Variants in RNF17 observed in about 807,000 individuals in gnomAD.
RNF17 encodes ring finger protein 17.
In RNF17, 31 loss-of-function variants were observed where a neutral mutation model predicts 200.5. The observed-to-expected ratio is 0.15, with a 90% CI of 0.12 to 0.21. RNF17 has a LOEUF of 0.21. Among genes scored for constraint, RNF17 ranks in the 10% least tolerant of loss-of-function variants. RNF17 has a pLI of 1.00. For missense variants in RNF17, 1,628 were observed against 1,905.1 expected (o/e 0.85, Z 2.71); for synonymous variants, 606 against 637.8 (o/e 0.95, Z 0.75).
At chr13:24,867,684 A>C (rs1893773985) in intron 30 of RNF17, among the ~76,000 whole-genome samples, 1 of 152,200 alleles carries the variant, frequency 6.6e-6, no homozygotes, top group Admixed American at 6.5e-5. Flanking sequence ...CTTTTTATAA[A>C]GATATTGCTT....
the RNF17 span, chr13:24,886,250 G>GC: frequency 8.4e-7 from 1 of 1,196,868 alleles, no homozygotes; most frequent in East Asian, 5.7e-5. Flanking sequence ...AGGGTCTCGA[G>GC]CAAGTGCCAG....
intron 17 of RNF17, among the ~76,000 whole-genome samples, chr13:24,831,596 T>A (rs1214573588): frequency 6.6e-6 from 1 of 152,246 alleles, no homozygotes; most frequent in Non-Finnish European, 1.5e-5. Context: ...AAGTAATTAA[T>A]GTATCATAAG....
At chr13:24,888,578 TA>T in the RNF17 span, among the ~76,000 whole-genome samples, 21,640 of 151,900 alleles carry the variant, frequency 0.14, 2,031 homozygotes, top group Admixed American at 0.26. Flanking sequence ...CTGCTGACAG[TA>T]AAAAAAACTG....
At chr13:24,807,127 A>G (rs1479565002) in intron 15 of RNF17, among the ~76,000 whole-genome samples, 1 of 151,802 alleles carries the variant, frequency 6.6e-6, no homozygotes, top group African/African-American at 2.4e-5. Context: ...ATGTGTCTTT[A>G]TAGCAGCATG....
chr13:24,862,433 T>C (rs1893192286), intron 27 of RNF17, among the ~76,000 whole-genome samples: 2 of 140,956 alleles, frequency 1.4e-5, no homozygotes, highest in Non-Finnish European at 3.1e-5. Flanking sequence ...AAGTCTTAAA[T>C]GTAATGTTTT....
Position 24,879,272 on chromosome 13 carries a change from A to T in RNF17, c.4859A>T (p.Asp1620Val). Residue 1620 changes from aspartate (D) to valine (V), a missense_variant, in exon 35 of 36, where the codon GAT (aspartate) becomes GTT (valine). Around this residue, in one of 5 missense-constraint regions of RNF17, gnomAD observed 609 missense variants for 681.9 expected, o/e 0.89. Transcript: ENST00000255324. ...CCGTTGGTAGAAATGGGGCTTGCAGATAAAGATGAATAAGTGCCTAAGTGT... is the reference window on the plus strand; with the variant it reads ...CCGTTGGTAGAAATGGGGCTTGCAGTTAAAGATGAATAAGTGCCTAAGTGT... ...HMPLVEMGLADKDE is the reference protein window; with the variant it reads ...HMPLVEMGLAVKDE 1 of 1,606,626 alleles carries T rather than the reference A, an allele frequency of 6.2e-7. No individual in the cohort carries two copies. Among genetic ancestry groups the T allele is most frequent in the Non-Finnish European group, 8.5e-7 (1 of 1,173,208 alleles).
intron 24 of RNF17, 89 bp from the exon 25 acceptor site, chr13:24,853,766 A>G (rs1593439239): frequency 2.1e-6 from 2 of 945,794 alleles, no homozygotes; most frequent in Admixed American, 3.2e-5. Context: ...TTTCAATTTC[A>G]TGTATATCTG....
At chr13:24,879,137 G>A in intron 34 of RNF17, 50 bp from the exon 35 acceptor site, 1 of 1,387,712 alleles carries the variant, frequency 7.2e-7, no homozygotes, top group Non-Finnish European at 1.0e-6. Flanking sequence ...AGAGGGAAAA[G>A]GCAGCAAAGA....
chr13:24,754,174 A>C, the RNF17 span, among the ~76,000 whole-genome samples: 1 of 151,446 alleles, frequency 6.6e-6, no homozygotes, highest in Non-Finnish European at 1.5e-5. Flanking sequence ...AATTAAAAAA[A>C]AAATAAAATA....
the RNF17 span, among the ~76,000 whole-genome samples, chr13:24,754,911 AG>A: frequency 6.6e-6 from 1 of 151,892 alleles, no homozygotes; most frequent in South Asian, 2.1e-4. Context: ...AAAAAAAAAA[AG>A]ATTGCATTAT....
In RNF17 at chr13:24,804,299, A is replaced by G. The variant is rs893236462; in HGVS notation, c.1961A>G (p.Gln654Arg). Residue 654 changes from glutamine (Q) to arginine (R), a missense_variant, in exon 15 of 36, where the codon CAA becomes CGA. By Grantham distance (43) the Gln-to-Arg change is conservative (BLOSUM62 1). Transcript: ENST00000255324. ...VFMELAKFKSQSLRSHFEKNT... is the reference protein window; with the variant it reads ...VFMELAKFKSRSLRSHFEKNT... ...ATGCTTTTAATTAGGTTTAAGTCAC[A>G]ATCACTAAGAAGTCACTTTGAAAAA... 2 of 1,612,984 alleles carry G rather than the reference A, an allele frequency of 1.2e-6. No homozygotes were observed. The highest frequency in any genetic ancestry group is 2.2e-5 in the East Asian group (1 of 44,828).
At chr13:24,864,170 G>T (rs921678682) in intron 28 of RNF17, among the ~76,000 whole-genome samples, 2 of 152,180 alleles carry the variant, frequency 1.3e-5, no homozygotes, top group African/African-American at 4.8e-5. Flanking sequence ...ATGGTTAGAG[G>T]ACAGACCACA....
chr13:24,849,672 C>A (rs950581207), intron 22 of RNF17, among the ~76,000 whole-genome samples: 2 of 152,156 alleles, frequency 1.3e-5, no homozygotes, highest in Non-Finnish European at 2.9e-5. Flanking sequence ...GCATTACTGT[C>A]TGACAGTATT....
intron 14 of RNF17, among the ~76,000 whole-genome samples, chr13:24,803,014 A>C (rs1291764079): frequency 7.0e-6 from 1 of 142,992 alleles, no homozygotes; most frequent in Non-Finnish European, 1.5e-5. Context: ...TTGCCACTGT[A>C]CTCCAGGTTG....
At position 24,764,193 on chromosome 13, in the gene RNF17, A is replaced by G. The variant is rs1383779218; in HGVS notation, c.-11A>G. 2 of 1,579,928 alleles carry G rather than the reference A, an allele frequency of 1.3e-6. No individual in the cohort carries two copies. The highest frequency in any genetic ancestry group is 1.3e-5 in the African/African-American group (1 of 74,486). ...CGCACTCGGCGGTTGTTCCAGAAGAAAGAGACAGCGATGGCGGCAGAGGCT... is the reference window on the plus strand; with the variant it reads ...CGCACTCGGCGGTTGTTCCAGAAGAGAGAGACAGCGATGGCGGCAGAGGCT... On this transcript the variant is annotated 5_prime_UTR_variant, in exon 1 of 36. Transcript: ENST00000255324.
At chr13:24,799,898 T>C (rs933122704) in intron 12 of RNF17, among the ~76,000 whole-genome samples, 1 of 152,160 alleles carries the variant, frequency 6.6e-6, no homozygotes, top group Non-Finnish European at 1.5e-5. Flanking sequence ...TTGAGTTAAA[T>C]TTTTAATCAG....
At chr13:24,764,888 GGTGTGTGT>G (rs57755622) in intron 1 of RNF17, among the ~76,000 whole-genome samples, 3,396 of 134,124 alleles carry the variant, frequency 0.025, 123 homozygotes, top group African/African-American at 0.088. Flanking sequence ...CACCTTGTGG[GGTGTGTGT>G]GTGTGTGTGT....
At chr13:24,765,262 G>A (rs910247584) in intron 1 of RNF17, among the ~76,000 whole-genome samples, 23 of 152,222 alleles carry the variant, frequency 1.5e-4, no homozygotes, top group African/African-American at 4.3e-4. Context: ...TGATCCGCCC[G>A]TCTTGGCCTC....
At chr13:24,802,880 G>A (rs889364498) in intron 14 of RNF17, among the ~76,000 whole-genome samples, 2 of 152,038 alleles carry the variant, frequency 1.3e-5, no homozygotes, top group Admixed American at 6.6e-5. Context: ...GCTAGACCTC[G>A]TCTCTACAAC....
Sources: allele counts gnomAD v4.1 joint callset (sites outside exome capture counted in the v4.1 genomes callset), GRCh38; gene constraint gnomAD v4.1.1; regional missense constraint gnomAD v4.1.1; transcripts MANE v1.5; gene names NCBI Gene and HGNC (gene_info 2026-07-23, HGNC 2026-07-21).